The following MRPL49 variants were observed in gnomAD, a reference collection of about 807,000 sequenced individuals.
MRPL49 encodes mitochondrial ribosomal protein L49.
A neutral mutation model predicts 18.4 loss-of-function variants in MRPL49; 14 were observed. The ratio of observed to expected loss-of-function variants is 0.76; its 90% confidence interval spans 0.50 to 1.19. The LOEUF (loss-of-function observed/expected upper bound fraction) is 1.19. Ranked by LOEUF, MRPL49 falls within the 50% of genes most tolerant of loss-of-function variation. The pLI, the probability that MRPL49 is intolerant of heterozygous loss-of-function variation, is 0.00. For synonymous variants in MRPL49, 104 were observed against 86.2 expected (o/e 1.21, Z -1.14); for missense variants, 190 against 217.8 (o/e 0.87, Z 0.80).
At chr11:65,122,534 C>G in intron 1 of MRPL49, 110 bp downstream of exon 1, 1 of 998,986 alleles carries the variant, frequency 1.0e-6, no homozygotes, top group South Asian at 1.5e-5. Context: ...TTAGTTTTGC[C>G]GTTTTCGATC....
rs568974839 is a variant in MRPL49, at chr11:65,127,135, T to C, written c.*1263T>C. ...AAAATGGGCACATCTTCCTAATCTG[T>C]TAATGGTCAGTGGTGTCCCCAAGGA... On this transcript the variant is annotated 3_prime_UTR_variant, in exon 4 of 4. Coordinates refer to ENST00000279242, the MANE Select transcript of MRPL49 (RefSeq NM_004927.4). 1.6e-5 allele frequency: 11 copies of C among 680,790 alleles called. No homozygotes were observed. The highest frequency in any genetic ancestry group is 7.8e-5 in the South Asian group (5 of 63,918). The allele number at this position is 680,790 out of a possible 1,614,324, so 42.2% of individuals were successfully genotyped here. A position where few individuals can be genotyped will look rare whatever the true frequency, so the allele number is the denominator to read the frequency against.
chr11:65,122,287 G>T, upstream of MRPL49: 2 of 1,581,314 alleles, frequency 1.3e-6, no homozygotes, highest in Non-Finnish European at 1.7e-6. Context: ...CAGGCAGCTC[G>T]CGCAGGACGG....
chr11:65,122,535 G>C, intron 1 of MRPL49, 111 bp downstream of exon 1: 6 of 1,006,024 alleles, frequency 6.0e-6, no homozygotes, highest in Non-Finnish European at 8.7e-6. Context: ...TAGTTTTGCC[G>C]TTTTCGATCA....
chr11:65,122,395 G>A lies in MRPL49; in HGVS notation c.49G>A (p.Val17Ile), dbSNP rs1948060503. The A allele has an allele frequency of 6.2e-7, 1 of 1,613,262 alleles. No homozygotes were observed. The highest frequency in any genetic ancestry group is 8.5e-7 in the Non-Finnish European group (1 of 1,179,700). The change falls in exon 1 of 4, where the codon GTC (valine) becomes ATC (isoleucine). Residue 17 changes from valine to isoleucine, a missense_variant. By Grantham distance (29) the Val-to-Ile change is conservative. Coordinates refer to ENST00000279242, the MANE Select transcript of MRPL49 (RefSeq NM_004927.4). ...RATLRGWRTG[V>I]QRGCGLRLLS... ...TACGCTGCGGGGATGGAGAACCGGT[G>A]TCCAGCGGGGCTGCGGGCTACGGCT...
In MRPL49 at chr11:65,126,945, G is replaced by A. The variant is rs867336462; in HGVS notation, c.*1073G>A. 1 of 664,188 alleles carries A rather than the reference G, an allele frequency of 1.5e-6. No homozygotes were observed. The highest frequency in any genetic ancestry group is 2.2e-5 in the Admixed American group (1 of 45,420). The allele number at this position is 664,188 out of a possible 1,614,324, so 41.1% of individuals were successfully genotyped here. A position where few individuals can be genotyped will look rare whatever the true frequency, so the allele number is the denominator to read the frequency against. ...ACCCTGCCATCCCATCCCAACCCCA[G>A]CTCACTAGCCTTCATATATGCCTTA... On this transcript the variant is annotated 3_prime_UTR_variant, in exon 4 of 4. Transcript: ENST00000279242.
intron 1 of MRPL49, among the ~76,000 whole-genome samples, chr11:65,123,281 C>T (rs1462544986): frequency 6.6e-6 from 1 of 152,190 alleles, no homozygotes; most frequent in African/African-American, 2.4e-5. Context: ...AGTACCTGAG[C>T]CTCCTTTCCA....
At chr11:65,122,462 G>T in intron 1 of MRPL49, 38 bp downstream of exon 1, 2 of 1,583,532 alleles carry the variant, frequency 1.3e-6, no homozygotes, top group Admixed American at 1.8e-5. Context: ...GCATCGCGTG[G>T]GTGTGAGGCT....
chr11:65,126,984 AG>A lies in MRPL49; in HGVS notation c.*1116del. ...ATATATGCCTTATACTTGGAGTCACAGGGGCCAAAGGCCTGAGACCCCACCC... is the reference window on the plus strand; with the variant it reads ...ATATATGCCTTATACTTGGAGTCACAGGGCCAAAGGCCTGAGACCCCACCC... On this transcript the variant is annotated 3_prime_UTR_variant, in exon 4 of 4. Transcript: ENST00000279242. The A allele has an allele frequency of 1.5e-6, 1 of 678,874 alleles. No homozygotes were observed. The highest frequency in any genetic ancestry group is 2.7e-6 in the Non-Finnish European group (1 of 375,118). 42.1% of individuals were successfully genotyped at this position (678,874 alleles called of 1,614,324 possible). A position where few individuals can be genotyped will look rare whatever the true frequency, so the allele number is the denominator to read the frequency against.
intron 1 of MRPL49, among the ~76,000 whole-genome samples, chr11:65,122,764 G>C (rs1822703863): frequency 6.9e-6 from 1 of 145,358 alleles, no homozygotes; most frequent in Non-Finnish European, 1.5e-5. Context: ...CTGTCGCCCA[G>C]GCTGGAGGGC....
chr11:65,122,493 C>T (rs970597195), intron 1 of MRPL49, 69 bp downstream of exon 1: 2 of 1,452,376 alleles, frequency 1.4e-6, no homozygotes, highest in Non-Finnish European at 1.9e-6. Context: ...CATTGTTAAC[C>T]CCGAAAACTA....
intron 1 of MRPL49, among the ~76,000 whole-genome samples, chr11:65,123,607 G>A (rs1426831200): frequency 1.3e-5 from 2 of 152,094 alleles, no homozygotes; most frequent in African/African-American, 4.8e-5. Context: ...GATGGCGTGT[G>A]CCTGTAGTCC....
chr11:65,125,913 T>A lies in MRPL49; in HGVS notation c.*41T>A, dbSNP rs776273296. ...CCTGCTTGTCAGCATGCCCTGTGGA[T>A]CAAGTCTAGGGGGCCTCAGGAGGAG... On this transcript the variant is annotated 3_prime_UTR_variant, in exon 4 of 4. Transcript: ENST00000279242. 6.3e-7 allele frequency: 1 copy of A among 1,580,396 alleles called. No homozygotes were observed. The highest frequency in any genetic ancestry group is 2.3e-5 in the East Asian group (1 of 44,360).
intron 2 of MRPL49, 51 bp from the exon 3 acceptor site, chr11:65,125,437 T>C (rs1647990896): frequency 1.2e-6 from 2 of 1,609,124 alleles, no homozygotes; most frequent in Non-Finnish European, 1.7e-6. Context: ...TTGGCTGAGG[T>C]GGGATGGCAC....
Position 65,125,851 on chromosome 11 carries a change from G to C in MRPL49, c.480G>C (p.Trp160Cys), listed in dbSNP as rs1235921758. 1.9e-6 allele frequency: 3 copies of C among 1,608,066 alleles called. No individual in the cohort carries two copies. The highest frequency in any genetic ancestry group is 2.5e-6 in the Non-Finnish European group (3 of 1,176,688). Reference sequence around the variant, plus strand: ...ACTTTGACCAGGAGCTTAAAGCCTGGCTCTTGGAGAAAGGCTTCTGAGGCC... The same window carrying C: ...ACTTTGACCAGGAGCTTAAAGCCTGCCTCTTGGAGAAAGGCTTCTGAGGCC... ...KGYFDQELKA[W>C]LLEKGF Residue 160 changes from tryptophan (W) to cysteine (C), a missense_variant, in exon 4 of 4, where the codon TGG (tryptophan) becomes TGC (cysteine). Coordinates refer to ENST00000279242, the MANE Select transcript of MRPL49 (RefSeq NM_004927.4).
intron 1 of MRPL49, among the ~76,000 whole-genome samples, chr11:65,123,705 G>A (rs1173566583): frequency 1.3e-5 from 2 of 152,106 alleles, no homozygotes; most frequent in African/African-American, 4.8e-5. Flanking sequence ...CTGCACTCCA[G>A]CCTAGGTGAC....
At position 65,126,847 on chromosome 11, in the gene MRPL49, C is replaced by T; in HGVS notation, c.*975C>T. 2 of 578,066 alleles carry T rather than the reference C, an allele frequency of 3.5e-6. No homozygotes were observed. Among genetic ancestry groups the T allele is most frequent in the South Asian group, 4.2e-5 (2 of 47,242 alleles). 35.8% of individuals were successfully genotyped at this position (578,066 alleles called of 1,614,324 possible). A position where few individuals can be genotyped will look rare whatever the true frequency, so the allele number is the denominator to read the frequency against. ...TGGGAACTCACAGCCAGCATAGGGA[C>T]ATCCCCCTGCAGCCTTCTGACCTGC... On this transcript the variant is annotated 3_prime_UTR_variant, in exon 4 of 4. Coordinates refer to ENST00000279242, the MANE Select transcript of MRPL49 (RefSeq NM_004927.4).
At chr11:65,122,228 G>T, upstream of MRPL49, 1 of 1,080,008 alleles carries the variant, frequency 9.3e-7, no homozygotes, top group Non-Finnish European at 1.3e-6. Context: ...ACCGCCCAAG[G>T]CAGTCCTAGC....
chr11:65,126,089 A>C lies in MRPL49; in HGVS notation c.*217A>C, dbSNP rs1325888288. 2.0e-6 allele frequency: 1 copy of C among 491,882 alleles called. No homozygotes were observed. The highest frequency in any genetic ancestry group is 3.5e-6 in the Non-Finnish European group (1 of 282,942). The allele number at this position is 491,882 out of a possible 1,614,324, so 30.5% of individuals were successfully genotyped here. A position where few individuals can be genotyped will look rare whatever the true frequency, so the allele number is the denominator to read the frequency against. ...TGTGGGAGACCAAATAGGGATCACCAGGCTAATGGGGGGCGTCAGCAGCTT... is the reference window on the plus strand; with the variant it reads ...TGTGGGAGACCAAATAGGGATCACCCGGCTAATGGGGGGCGTCAGCAGCTT... On this transcript the variant is annotated 3_prime_UTR_variant, in exon 4 of 4. Transcript: ENST00000279242.
At position 65,126,160 on chromosome 11, in the gene MRPL49, G is replaced by T. The variant is rs1948099518; in HGVS notation, c.*288G>T. On this transcript the variant is annotated 3_prime_UTR_variant, in exon 4 of 4. Coordinates refer to ENST00000279242, the MANE Select transcript of MRPL49 (RefSeq NM_004927.4). Reference sequence around the variant, plus strand: ...CTGTTCTTTTTTGTTTTTTGAGACGGAGTCTCACTCTGTTGCCCAGGGTGG... The same window carrying T: ...CTGTTCTTTTTTGTTTTTTGAGACGTAGTCTCACTCTGTTGCCCAGGGTGG... The T allele has an allele frequency of 1.4e-5, 4 of 294,106 alleles. No homozygotes were observed. Among genetic ancestry groups the T allele is most frequent in the Non-Finnish European group, 2.5e-5 (4 of 157,740 alleles). The allele number at this position is 294,106 out of a possible 1,614,324, so 18.2% of individuals were successfully genotyped here. A position where few individuals can be genotyped will look rare whatever the true frequency, so the allele number is the denominator to read the frequency against.
Sources: gnomAD v4.1 joint callset for allele counts (sites outside exome capture counted in the v4.1 genomes callset) on GRCh38, gnomAD v4.1.1 for gene constraint, MANE v1.5 for transcripts, NCBI Gene and HGNC (gene_info 2026-07-23, HGNC 2026-07-21) for gene names.